Variants in ARFGEF1 observed in about 807,000 individuals in gnomAD.
The protein encoded by ARFGEF1 is ARF guanine nucleotide exchange factor 1.
In ARFGEF1, 42 loss-of-function variants were observed where a neutral mutation model predicts 231.0. The ratio of observed to expected loss-of-function variants is 0.18; its 90% CI spans 0.14 to 0.24. ARFGEF1 has a LOEUF of 0.24. Ranked by LOEUF, ARFGEF1 falls within the 10% of genes least tolerant of loss-of-function variation. The pLI is 1.00. For missense variants in ARFGEF1, 1,345 were observed against 2,192.0 expected, an observed-to-expected ratio of 0.61 and a Z score of 7.72; for synonymous variants, 710 against 732.3, an observed-to-expected ratio of 0.97 and a Z score of 0.49.
downstream of ARFGEF1, among the ~76,000 whole-genome samples, chr8:67,194,574 T>C (rs985925711): frequency 1.1e-4 from 16 of 152,168 alleles, no homozygotes; most frequent in African/African-American, 3.9e-4. Flanking sequence ...AAGAATCTTT[T>C]TCAGAAGGTT....
At chr8:67,291,468 T>A (rs1262753644) in intron 6 of ARFGEF1, among the ~76,000 whole-genome samples, 3 of 151,986 alleles carry the variant, frequency 2.0e-5, no homozygotes, top group African/African-American at 7.2e-5. Flanking sequence ...AATGATTTTT[T>A]AAAATTTTCA....
At chr8:67,229,344 ACCCTTTTTTC>A (rs1363978642) in intron 23 of ARFGEF1, among the ~76,000 whole-genome samples, 1 of 151,930 alleles carries the variant, frequency 6.6e-6, no homozygotes, top group Non-Finnish European at 1.5e-5. Context: ...GGTATATTCA[ACCCTTTTTTC>A]CTACTATCAC....
intron 34 of ARFGEF1, among the ~76,000 whole-genome samples, chr8:67,208,578 C>T (rs1394952887): frequency 2.1e-5 from 3 of 141,226 alleles, no homozygotes; most frequent in South Asian, 2.2e-4. Flanking sequence ...TGCAGTGAGC[C>T]GAGATCACAC....
intron 30 of ARFGEF1, 90 bp from the exon 31 acceptor site, chr8:67,218,228 A>ATATATATATATATATATATATATATT: frequency 4.1e-6 from 1 of 242,870 alleles, no homozygotes; most frequent in Non-Finnish European, 6.9e-6. Context: ...ATATATATAT[A>ATATATATATATATATATATATATATT]TATATAAATG....
intron 1 of ARFGEF1, among the ~76,000 whole-genome samples, chr8:67,340,952 G>C (rs1808597081): frequency 6.6e-6 from 1 of 152,212 alleles, no homozygotes; most frequent in Non-Finnish European, 1.5e-5. Context: ...TGATGCTCAT[G>C]AGTGGTAGGG....
intron 1 of ARFGEF1, among the ~76,000 whole-genome samples, chr8:67,328,079 C>A (rs1416304038): frequency 1.3e-5 from 2 of 151,888 alleles, no homozygotes; most frequent in African/African-American, 4.8e-5. Flanking sequence ...AAGAAGGGAA[C>A]AAGGGAAAAA....
intron 1 of ARFGEF1, among the ~76,000 whole-genome samples, chr8:67,327,480 G>A (rs1208624946): frequency 1.3e-5 from 2 of 151,964 alleles, no homozygotes; most frequent in African/African-American, 4.8e-5. Flanking sequence ...ACCACAGCTT[G>A]GCTAATTTTT....
At chr8:67,287,284 T>G (rs1229634377) in intron 7 of ARFGEF1, among the ~76,000 whole-genome samples, 1 of 152,184 alleles carries the variant, frequency 6.6e-6, no homozygotes, top group African/African-American at 2.4e-5. Context: ...CAGCCCCCAG[T>G]AAAAACCTTG....
intron 1 of ARFGEF1, among the ~76,000 whole-genome samples, chr8:67,330,833 T>C (rs1399818475): frequency 6.6e-6 from 1 of 152,138 alleles, no homozygotes; most frequent in Non-Finnish European, 1.5e-5. Flanking sequence ...ACAAACACAT[T>C]CTCAATTATC....
chr8:67,177,074 A>G (rs1831868231), intron 5 of ARFGEF1, among the ~76,000 whole-genome samples: 2 of 151,070 alleles, frequency 1.3e-5, no homozygotes, highest in African/African-American at 4.9e-5. Context: ...TAGTCTCAAA[A>G]AAAAAAAAAA....
intron 19 of ARFGEF1, among the ~76,000 whole-genome samples, chr8:67,248,179 CA>C (rs1840164212): frequency 6.7e-6 from 1 of 149,642 alleles, no homozygotes; most frequent in Admixed American, 6.7e-5. Flanking sequence ...CCAGAATAGC[CA>C]AAGCTATCCT....
chr8:67,328,593 A>G (rs1807949437), intron 1 of ARFGEF1, among the ~76,000 whole-genome samples: 2 of 152,182 alleles, frequency 1.3e-5, no homozygotes, highest in South Asian at 4.1e-4. Context: ...TCATCCTTTT[A>G]GCTTTTCATT....
At chr8:67,258,854 C>CACACACA (rs71249428) in intron 15 of ARFGEF1, among the ~76,000 whole-genome samples, 2 of 149,918 alleles carry the variant, frequency 1.3e-5, no homozygotes, top group African/African-American at 5.0e-5. Flanking sequence ...CACACACACA[C>CACACACA]CAGTCATCAC....
rs1839422439 is a variant in ARFGEF1 at position 67,227,697 on chromosome 8, A to T, written c.3592-99T>A. 8 of 1,295,750 alleles carry T rather than the reference A, an allele frequency of 6.2e-6. No homozygotes were observed. In the South Asian group the frequency reaches 1.2e-4, roughly 20 times the overall value. The allele number at this position is 1,295,750 out of a possible 1,614,324, so 80.3% of individuals were successfully genotyped here. On this transcript the variant is annotated intron_variant, in intron 25 of 38. Coordinates refer to ENST00000262215, the MANE Select transcript of ARFGEF1 (RefSeq NM_006421.5). ...TTAGAAAAAGTATAGAATAGCATAG[A>T]TAGGTAAATCCTAAGATTTTCCATA...
chr8:67,184,346 T>C (rs77022296), intron 5 of ARFGEF1, among the ~76,000 whole-genome samples: 4 of 151,926 alleles, frequency 2.6e-5, no homozygotes, highest in Admixed American at 6.6e-5. Context: ...AGGAAATAAA[T>C]AGAGAAAATC....
At chr8:67,322,718 A>C (rs1433995983) in intron 1 of ARFGEF1, among the ~76,000 whole-genome samples, 3 of 152,138 alleles carry the variant, frequency 2.0e-5, no homozygotes, top group Non-Finnish European at 2.9e-5. Context: ...AACAAAAACA[A>C]AAGCCTGTCT....
At chr8:67,235,156 AT>A in intron 22 of ARFGEF1, among the ~76,000 whole-genome samples, 1 of 149,620 alleles carries the variant, frequency 6.7e-6, no homozygotes, top group Non-Finnish European at 1.5e-5. Flanking sequence ...TTTAAATATA[AT>A]TTAAAATCAT....
At chr8:67,302,330 C>A in intron 2 of ARFGEF1, 106 bp downstream of exon 2, 1 of 667,776 alleles carries the variant, frequency 1.5e-6, no homozygotes, top group South Asian at 3.9e-5. Context: ...CTATAAAACT[C>A]ACATGCAGAG....
In ARFGEF1 at chr8:67,343,383, A is replaced by T; in HGVS notation, c.-96T>A. On this transcript the variant is annotated 5_prime_UTR_variant, in exon 1 of 39. Transcript: ENST00000262215. ...GGAAGGAAGAGAAGAGAGAAAGGAGAGGGGGTGGAGGTGGGGGATTGGAGG... is the reference window on the plus strand; with the variant it reads ...GGAAGGAAGAGAAGAGAGAAAGGAGTGGGGGTGGAGGTGGGGGATTGGAGG... 19 of 1,050,224 alleles carry T rather than the reference A, an allele frequency of 1.8e-5. No homozygotes were observed. The highest frequency in any genetic ancestry group is 8.4e-5 in the Admixed American group (3 of 35,736). The allele number at this position is 1,050,224 out of a possible 1,614,324, so 65.1% of individuals were successfully genotyped here.
Sources: allele counts gnomAD v4.1 joint callset (sites outside exome capture counted in the v4.1 genomes callset), GRCh38; gene constraint gnomAD v4.1.1; transcripts MANE v1.5; gene names NCBI Gene and HGNC (gene_info 2026-07-23, HGNC 2026-07-21).